The following PLXNA4 variants were observed in gnomAD, a reference collection of about 807,000 sequenced individuals.
The protein encoded by PLXNA4 is plexin A4.
In PLXNA4, 44 loss-of-function variants were observed where a neutral mutation model predicts 191.8. The ratio of observed to expected loss-of-function variants is 0.23; its 90% confidence interval spans 0.18 to 0.29. The LOEUF is 0.29. Among genes scored for constraint, PLXNA4 ranks in the 10% least tolerant of loss-of-function variants. The pLI is 1.00. For missense variants in PLXNA4, 1,800 were observed against 2,488.8 expected, an observed-to-expected ratio of 0.72 and a Z score of 5.89; for synonymous variants, 1,082 against 1,009.5, an observed-to-expected ratio of 1.07 and a Z score of -1.36.
chr7:132,188,657 G>A lies in PLXNA4; in HGVS notation c.2857-1050C>T, dbSNP rs1030984783. Among the ~76,000 whole-genome samples, 3 of 152,206 alleles carry A rather than the reference G, an allele frequency of 2.0e-5. 1 individual carries two copies. The Middle Eastern group carries it at 0.01, about 518-fold the overall frequency. On this transcript the variant is annotated intron_variant, in intron 14 of 31. Transcript: ENST00000321063. ...ACCCTGTCTCTGGATCCCAGGTCTAGTATCCCTGTAACATGGGCCAAGCCA... is the reference window on the plus strand; with the variant it reads ...ACCCTGTCTCTGGATCCCAGGTCTAATATCCCTGTAACATGGGCCAAGCCA...
At chr7:132,297,610 T>A (rs1801138095) in intron 4 of PLXNA4, among the ~76,000 whole-genome samples, 1 of 152,176 alleles carries the variant, frequency 6.6e-6, no homozygotes, top group Non-Finnish European at 1.5e-5. Flanking sequence ...GTTCAGGCCG[T>A]GCCCTACCCC....
At chr7:132,268,645 G>A (rs1488620060) in intron 4 of PLXNA4, among the ~76,000 whole-genome samples, 2 of 152,194 alleles carry the variant, frequency 1.3e-5, no homozygotes, top group Non-Finnish European at 2.9e-5. Flanking sequence ...TGTGAACAGC[G>A]TAGGTGCCTA....
intron 1 of PLXNA4, among the ~76,000 whole-genome samples, chr7:132,537,169 T>C (rs1353267231): frequency 3.9e-5 from 6 of 152,214 alleles, no homozygotes; most frequent in Admixed American, 2.6e-4. Context: ...ATCTTGATCC[T>C]GTCTGAGACC....
At chr7:132,309,116 G>A (rs538043967) in intron 3 of PLXNA4, among the ~76,000 whole-genome samples, 22 of 152,286 alleles carry the variant, frequency 1.4e-4, no homozygotes, top group African/African-American at 5.3e-4. Flanking sequence ...AGAACTTCCC[G>A]TGGCTGCCCT....
chr7:132,147,706 T>A (rs1185953841), intron 27 of PLXNA4, among the ~76,000 whole-genome samples, 194 bp downstream of exon 27: 1 of 152,178 alleles, frequency 6.6e-6, no homozygotes, highest in Non-Finnish European at 1.5e-5. Flanking sequence ...TGGATGAAGG[T>A]CTTGCTTATG....
chr7:132,447,191 G>A (rs1795944478), intron 3 of PLXNA4, among the ~76,000 whole-genome samples: 1 of 152,112 alleles, frequency 6.6e-6, no homozygotes, highest in East Asian at 1.9e-4. Flanking sequence ...CTAGAGCCCA[G>A]AATGGAATAG....
chr7:132,249,117 C>A (rs887479302), intron 4 of PLXNA4, among the ~76,000 whole-genome samples: 1 of 152,242 alleles, frequency 6.6e-6, no homozygotes, highest in Non-Finnish European at 1.5e-5. Flanking sequence ...GCTTGGGGAG[C>A]TGAGGTTCCA....
At chr7:132,563,165 CCTTCTCCTCCTCCTT>C (rs1307113156) in intron 1 of PLXNA4, among the ~76,000 whole-genome samples, 4 of 73,584 alleles carry the variant, frequency 5.4e-5, no homozygotes, top group African/African-American at 1.9e-4. Flanking sequence ...TCCTCCTCCT[CCTTCTCCTCCTCCTT>C]CTCCTTCCTC....
intron 3 of PLXNA4, among the ~76,000 whole-genome samples, chr7:132,334,481 C>T (rs769410221): frequency 3.9e-5 from 6 of 151,912 alleles, no homozygotes; most frequent in Non-Finnish European, 8.8e-5. Context: ...TGGTCTCAAA[C>T]TCCTGGCCCC....
At chr7:132,232,091 G>A (rs1440139433) in intron 5 of PLXNA4, among the ~76,000 whole-genome samples, 1 of 152,062 alleles carries the variant, frequency 6.6e-6, no homozygotes, top group Non-Finnish European at 1.5e-5. Flanking sequence ...TTTCTTGTGG[G>A]GTCTGTCAAG....
At position 132,440,781 on chromosome 7, in the gene PLXNA4, A is replaced by G. The variant is rs184976153; in HGVS notation, c.1371+48511T>C. Among the ~76,000 whole-genome samples, 509 of 152,316 alleles carry G rather than the reference A, an allele frequency of 3.3e-3. 3 individuals carry two copies. Among genetic ancestry groups the G allele is most frequent in the African/African-American group, 0.011 (473 of 41,562 alleles). On this transcript the variant is annotated intron_variant, in intron 3 of 31. Coordinates refer to ENST00000321063, the MANE Select transcript of PLXNA4 (RefSeq NM_020911.2). Reference sequence around the variant, plus strand: ...TGCTGTTATGGGATTTTTGCCCACAAGTAAAATGTTTTTAAAAATTGCATC... The same window carrying G: ...TGCTGTTATGGGATTTTTGCCCACAGGTAAAATGTTTTTAAAAATTGCATC...
At chr7:132,518,167 C>A (rs879290974) in intron 1 of PLXNA4, among the ~76,000 whole-genome samples, 4 of 152,164 alleles carry the variant, frequency 2.6e-5, no homozygotes, top group Non-Finnish European at 5.9e-5. Context: ...CACTGCAGCT[C>A]CATTCGTCCC....
chr7:132,314,424 T>G (rs73157287), intron 3 of PLXNA4, among the ~76,000 whole-genome samples: 5,566 of 152,274 alleles, frequency 0.037, 160 homozygotes, highest in Middle Eastern at 0.071. Flanking sequence ...GACCTTCCCC[T>G]TGGGTCAGAG....
chr7:132,277,265 T>C (rs187126553), intron 4 of PLXNA4, among the ~76,000 whole-genome samples: 370 of 152,122 alleles, frequency 2.4e-3, no homozygotes, highest in Non-Finnish European at 4.0e-3. Context: ...CAATTGGGAA[T>C]TTTTTTTAAC....
chr7:132,423,235 T>C (rs371635473), intron 3 of PLXNA4, among the ~76,000 whole-genome samples: 199 of 152,364 alleles, frequency 1.3e-3, no homozygotes, highest in Middle Eastern at 6.8e-3. Context: ...CTTTCACTTT[T>C]ACATCAATCA....
chr7:132,590,622 CT>C (rs1429052506), intron 2 of PLXNA4, among the ~76,000 whole-genome samples: 1 of 152,170 alleles, frequency 6.6e-6, no homozygotes, highest in Non-Finnish European at 1.5e-5. Flanking sequence ...CTAAGCCAGT[CT>C]GGTCTTTCCA....
chr7:132,261,823 G>A (rs184133638), intron 4 of PLXNA4, among the ~76,000 whole-genome samples: 1 of 152,290 alleles, frequency 6.6e-6, no homozygotes. Context: ...TCAGCCCCTT[G>A]GTGAGGAGTC....
chr7:132,447,854 T>TA (rs1795970455), intron 3 of PLXNA4, among the ~76,000 whole-genome samples: 2 of 151,642 alleles, frequency 1.3e-5, no homozygotes, highest in Non-Finnish European at 2.9e-5. Flanking sequence ...AAACACTTTT[T>TA]AAAAAAATTA....
intron 3 of PLXNA4, among the ~76,000 whole-genome samples, chr7:132,458,977 A>G (rs1341451391): frequency 1.3e-5 from 2 of 152,144 alleles, no homozygotes; most frequent in Non-Finnish European, 2.9e-5. Context: ...CAAAGCCCTC[A>G]TTTTCCCTTC....
Sources: gnomAD v4.1 joint callset for allele counts (sites outside exome capture counted in the v4.1 genomes callset) on GRCh38, gnomAD v4.1.1 for gene constraint, MANE v1.5 for transcripts, NCBI Gene and HGNC (gene_info 2026-07-23, HGNC 2026-07-21) for gene names.